Variants in MAS1 observed in about 807,000 individuals in gnomAD.
MAS1 encodes MAS1 proto-oncogene, G protein-coupled receptor, also known as proto-oncogene Mas.
For missense variants in MAS1, 387 were observed against 409.7 expected (o/e 0.94, Z 0.48); for synonymous variants, 163 against 164.2 (o/e 0.99, Z 0.05).
intron 2 of MAS1, among the ~76,000 whole-genome samples, chr6:159,904,940 G>A (rs187311012): frequency 4.6e-5 from 7 of 152,214 alleles, no homozygotes; most frequent in East Asian, 1.9e-4. Context: ...TGCTGGCCTC[G>A]GTCGCCTATT....
intron 2 of MAS1, 55 bp from the exon 3 acceptor site, chr6:159,906,865 A>G: frequency 7.3e-7 from 1 of 1,367,324 alleles, no homozygotes; most frequent in Non-Finnish European, 1.0e-6. Flanking sequence ...CTTTTATTCC[A>G]ATTCAACAAT....
Position 159,913,193 on chromosome 6 carries a change from T to A in MAS1, c.*5260T>A, listed in dbSNP as rs557107648. On this transcript the variant is annotated 3_prime_UTR_variant, in exon 3 of 3. Transcript: ENST00000674077. ...GCCTGGCCAACATGGTGAAACCCCATCTCTGCTGAAAATACAAAAATTAGC... is the reference window on the plus strand; with the variant it reads ...GCCTGGCCAACATGGTGAAACCCCAACTCTGCTGAAAATACAAAAATTAGC... 1.3e-5 allele frequency: 2 copies of A among 152,252 alleles called. No individual in the cohort carries two copies. The highest frequency in any genetic ancestry group is 3.9e-4 in the East Asian group (2 of 5,170). 9.4% of individuals were successfully genotyped at this position (152,252 alleles called of 1,614,324 possible).
rs973602687 is a variant in MAS1, at chr6:159,915,567, C to A, written c.*7634C>A. On this transcript the variant is annotated 3_prime_UTR_variant, in exon 3 of 3. Coordinates refer to ENST00000674077, the MANE Select transcript of MAS1 (RefSeq NM_002377.4). ...TATGGTACATTTTGGCCAACACCAG[C>A]CTGTTAATGCCTGAGGCAGAGGCCT... is the stretch of plus-strand genomic sequence containing the variant. The A allele has an allele frequency of 1.3e-5, 2 of 152,198 alleles. No homozygotes were observed. The highest frequency in any genetic ancestry group is 4.8e-5 in the African/African-American group (2 of 41,434). 9.4% of individuals were successfully genotyped at this position (152,198 alleles called of 1,614,324 possible). A position where few individuals can be genotyped will look rare whatever the true frequency, so the allele number is the denominator to read the frequency against.
chr6:159,893,946 G>A (rs192887100), intron 1 of MAS1, among the ~76,000 whole-genome samples: 52 of 152,250 alleles, frequency 3.4e-4, no homozygotes, highest in African/African-American at 1.2e-3. Flanking sequence ...TGTGTTGGAA[G>A]GCTATTAGGC....
upstream of MAS1, among the ~76,000 whole-genome samples, chr6:159,890,053 C>T (rs2115104083): frequency 6.6e-6 from 1 of 152,252 alleles, no homozygotes; most frequent in Non-Finnish European, 1.5e-5. Flanking sequence ...ATGAAGGAAT[C>T]CCTTTAAACA....
rs2115119415 is a variant in MAS1 at position 159,907,763 on chromosome 6, A to G, written c.808A>G (p.Thr270Ala). Reference sequence around the variant, plus strand: ...ACACCACATTTCCCTGCTCTTCTCCACAATCAACAGTAGCGCCAACCCTTT... The same window carrying G: ...ACACCACATTTCCCTGCTCTTCTCCGCAATCAACAGTAGCGCCAACCCTTT... ...NLHHISLLFS[T>A]INSSANPFIY... The change falls in exon 3 of 3, where the codon ACA becomes GCA. Residue 270 changes from threonine (T) to alanine (A), a missense_variant. Coordinates refer to ENST00000674077, the MANE Select transcript of MAS1 (RefSeq NM_002377.4). 6.2e-7 allele frequency: 1 copy of G among 1,613,610 alleles called. No individual in the cohort carries two copies. The highest frequency in any genetic ancestry group is 1.6e-4 in the Middle Eastern group (1 of 6,062).
rs564055969 is a variant in MAS1 at position 159,913,863 on chromosome 6, C to G, written c.*5930C>G. 6.6e-6 allele frequency: 1 copy of G among 152,242 alleles called. No individual in the cohort carries two copies. Among genetic ancestry groups the G allele is most frequent in the East Asian group, 1.9e-4 (1 of 5,190 alleles). The allele number at this position is 152,242 out of a possible 1,614,324, so 9.4% of individuals were successfully genotyped here. On this transcript the variant is annotated 3_prime_UTR_variant, in exon 3 of 3. Coordinates refer to ENST00000674077, the MANE Select transcript of MAS1 (RefSeq NM_002377.4). ...TTTTGGTCCTCATTTTAACAAGATT[C>G]CTTTTTAACAATCTTTTACTAAAAC...
rs746443312 is a variant in MAS1, at chr6:159,907,570, G to A, written c.615G>A (p.Val205=). The change falls in exon 3 of 3, where the codon GTG becomes GTA. Residue 205 remains valine, a synonymous_variant. Coordinates refer to ENST00000674077, the MANE Select transcript of MAS1 (RefSeq NM_002377.4). ...TGGTCTTCACGCCCCTCATGCTGGT[G>A]TCCAGCACCATCTTGGTCGTGAAGA... ...SFLVFTPLML[V]SSTILVVKIR... 9.9e-6 allele frequency: 16 copies of A among 1,613,924 alleles called. No homozygotes were observed. Among genetic ancestry groups the A allele is most frequent in the Non-Finnish European group, 1.0e-5 (12 of 1,179,998 alleles).
rs973117406 is a variant in MAS1 at position 159,909,611 on chromosome 6, CAG to C, written c.*1681_*1682del. 6.6e-5 allele frequency: 10 copies of C among 152,262 alleles called. No homozygotes were observed. The highest frequency in any genetic ancestry group is 4.6e-4 in the Admixed American group (7 of 15,292). The allele number at this position is 152,262 out of a possible 1,614,324, so 9.4% of individuals were successfully genotyped here. ...GAATGATCTTGTTTTTGGTTGAAAA[CAG>C]AGCATTTTCCCTGGGAAAGAACAGA... On this transcript the variant is annotated 3_prime_UTR_variant, in exon 3 of 3. Coordinates refer to ENST00000674077, the MANE Select transcript of MAS1 (RefSeq NM_002377.4).
intron 1 of MAS1, among the ~76,000 whole-genome samples, chr6:159,893,047 A>C (rs1266633423): frequency 6.6e-6 from 1 of 152,204 alleles, no homozygotes; most frequent in Non-Finnish European, 1.5e-5. Flanking sequence ...TGGCCTCTGC[A>C]CTGTACTTTG....
At position 159,913,684 on chromosome 6, in the gene MAS1, A is replaced by C. The variant is rs933824504; in HGVS notation, c.*5751A>C. 1.3e-5 allele frequency: 2 copies of C among 152,224 alleles called. No individual in the cohort carries two copies. Among genetic ancestry groups the C allele is most frequent in the Non-Finnish European group, 2.9e-5 (2 of 68,046 alleles). 9.4% of individuals were successfully genotyped at this position (152,224 alleles called of 1,614,324 possible). On this transcript the variant is annotated 3_prime_UTR_variant, in exon 3 of 3. Transcript: ENST00000674077. Reference sequence around the variant, plus strand: ...GTGTTCTGGAAGGAAGTCTCCTGAGACTTAGCTTTTCCTAAAGGCCAAAAA... The same window carrying C: ...GTGTTCTGGAAGGAAGTCTCCTGAGCCTTAGCTTTTCCTAAAGGCCAAAAA...
chr6:159,892,257 A>G (rs1318490366), intron 1 of MAS1, among the ~76,000 whole-genome samples: 5 of 151,916 alleles, frequency 3.3e-5, no homozygotes, highest in Non-Finnish European at 7.4e-5. Flanking sequence ...CCATCTCACA[A>G]ATGGGTTTCT....
At chr6:159,893,116 C>G (rs1782718958) in intron 1 of MAS1, among the ~76,000 whole-genome samples, 2 of 152,216 alleles carry the variant, frequency 1.3e-5, no homozygotes. Flanking sequence ...CGATACTGCC[C>G]ACAATTCTTT....
intron 2 of MAS1, among the ~76,000 whole-genome samples, chr6:159,900,902 T>C (rs967323124): frequency 2.6e-5 from 4 of 152,192 alleles, no homozygotes; most frequent in African/African-American, 9.6e-5. Context: ...GTTTGCTGTT[T>C]AGTGGGTGTA....
In MAS1 at chr6:159,907,311, G is replaced by A. The variant is rs1261276876; in HGVS notation, c.356G>A (p.Gly119Asp). 7 of 1,614,138 alleles carry A rather than the reference G, an allele frequency of 4.3e-6. No homozygotes were observed. The highest frequency in any genetic ancestry group is 5.9e-6 in the Non-Finnish European group (7 of 1,180,040). ...ACTTTTCTGTTTGGCTACAACACGG[G>A]CCTCTATCTGCTGACGGCCATTAGT... is the stretch of plus-strand genomic sequence containing the variant. ...SVTFLFGYNT[G>D]LYLLTAISVE... The change falls in exon 3 of 3, where the codon GGC becomes GAC. Residue 119 changes from glycine (G) to aspartate (D), a missense_variant. Physicochemically the swap from Gly to Asp is moderately conservative, Grantham distance 94 (BLOSUM62 -1). Coordinates refer to ENST00000674077, the MANE Select transcript of MAS1 (RefSeq NM_002377.4).
Position 159,907,858 on chromosome 6 carries a change from G to A in MAS1, c.903G>A (p.Arg301=). 6.2e-7 allele frequency: 1 copy of A among 1,611,004 alleles called. No homozygotes were observed. The highest frequency in any genetic ancestry group is 1.1e-5 in the South Asian group (1 of 90,668). Residue 301 remains arginine (R), a synonymous_variant, in exon 3 of 3, where the codon AGG becomes AGA. Coordinates refer to ENST00000674077, the MANE Select transcript of MAS1 (RefSeq NM_002377.4). ...AGTCCTTAAAAGTTGTTCTGACCAG[G>A]GCTTTCAAAGATGAAATGCAACCTC... ...FKESLKVVLT[R]AFKDEMQPRR... is the part of the protein sequence containing the mutation.
Position 159,913,817 on chromosome 6 carries a change from T to C in MAS1, c.*5884T>C, listed in dbSNP as rs1782991597. 1 of 152,260 alleles carries C rather than the reference T, an allele frequency of 6.6e-6. No homozygotes were observed. The highest frequency in any genetic ancestry group is 2.1e-4 in the South Asian group (1 of 4,834). 9.4% of individuals were successfully genotyped at this position (152,260 alleles called of 1,614,324 possible). A position where few individuals can be genotyped will look rare whatever the true frequency, so the allele number is the denominator to read the frequency against. ...AATTTTCATGATTTTAATTTCACTT[T>C]TTTCATGATTTTCTATGAAATTTTG... On this transcript the variant is annotated 3_prime_UTR_variant, in exon 3 of 3. Transcript: ENST00000674077.
In MAS1 at chr6:159,910,142, G is replaced by A. The variant is rs953115247; in HGVS notation, c.*2209G>A. 4 of 152,188 alleles carry A rather than the reference G, an allele frequency of 2.6e-5. No homozygotes were observed. Among genetic ancestry groups the A allele is most frequent in the East Asian group, 1.9e-4 (1 of 5,210 alleles). The allele number at this position is 152,188 out of a possible 1,614,324, so 9.4% of individuals were successfully genotyped here. The stretch of plus-strand genomic sequence containing the variant: ...TTGTAGGTTACTAGGTGCCACTTCC[G>A]AGAATTCCTTGGGGATGGGGAGGAG... On this transcript the variant is annotated 3_prime_UTR_variant, in exon 3 of 3. Transcript: ENST00000674077.
rs1782947080 is a variant in MAS1, at chr6:159,910,018, G to C, written c.*2085G>C. On this transcript the variant is annotated 3_prime_UTR_variant, in exon 3 of 3. Transcript: ENST00000674077. ...ACCCATTCCCAAAGTGAACTGTAAG[G>C]TTAAAACTATAACAAGAAGATTTAA... is the stretch of plus-strand genomic sequence containing the variant. 1 of 152,148 alleles carries C rather than the reference G, an allele frequency of 6.6e-6. No homozygotes were observed. The highest frequency in any genetic ancestry group is 6.5e-5 in the Admixed American group (1 of 15,270). 9.4% of individuals were successfully genotyped at this position (152,148 alleles called of 1,614,324 possible).
Sources: gnomAD v4.1 joint callset for allele counts (sites outside exome capture counted in the v4.1 genomes callset) on GRCh38, gnomAD v4.1.1 for gene constraint, MANE v1.5 for transcripts, NCBI Gene and HGNC (gene_info 2026-07-23, HGNC 2026-07-21) for gene names.